Variants in ADGRL2 observed in about 807,000 individuals in gnomAD.
ADGRL2 encodes calcium-independent alpha-latrotoxin receptor 2.
ADGRL2 carries 44 observed loss-of-function variants against 157.4 expected under a neutral mutation model. The observed-to-expected ratio is 0.28, with a 90% CI of 0.22 to 0.36. ADGRL2 has a LOEUF of 0.36. Ranked by LOEUF, ADGRL2 falls within the 10% of genes least tolerant of loss-of-function variation. ADGRL2 has a pLI of 1.00. For synonymous variants in ADGRL2, 585 were observed against 624.7 expected, an observed-to-expected ratio of 0.94 and a Z score of 0.95; for missense variants, 1,510 against 1,768.9, an observed-to-expected ratio of 0.85 and a Z score of 2.63.
At chr1:81,722,037 T>C in intron 1 of ADGRL2, 1 of 425,732 alleles carries the variant, frequency 2.3e-6, no homozygotes, top group Non-Finnish European at 4.5e-6. Context: ...TCACGCCTGT[T>C]ATCGCAGCAC....
chr1:81,796,332 G>T (rs189348631), upstream of ADGRL2, among the ~76,000 whole-genome samples: 6 of 152,272 alleles, frequency 3.9e-5, no homozygotes, highest in East Asian at 7.7e-4. Flanking sequence ...AGAAAACAAG[G>T]TTATGAGTAT....
At position 81,823,373 on chromosome 1, in the gene ADGRL2, C is replaced by G. The variant is rs1051069119; in HGVS notation, c.-100-13512C>G. Among the ~76,000 whole-genome samples the G allele has an allele frequency of 1.9e-3, 238 of 123,034 alleles. 2 individuals are homozygous for G. The highest frequency in any genetic ancestry group is 6.9e-3 in the African/African-American group (231 of 33,484). 80.7% of individuals were successfully genotyped at this position (123,034 alleles called of 152,430 possible). ...CTCCTTCCCTCCTTCCTTCCCTCCC[C>G]CCTCCCTCTTTCCTTCCCTCCCCCT... On this transcript the variant is annotated intron_variant, in intron 1 of 23. Transcript: ENST00000686636.
At chr1:81,720,326 C>T (rs1027827339) in intron 1 of ADGRL2, among the ~76,000 whole-genome samples, 22 of 151,864 alleles carry the variant, frequency 1.4e-4, no homozygotes, top group Non-Finnish European at 2.2e-4. Flanking sequence ...CAGGCCACTA[C>T]GCCTGGCTAA....
chr1:81,420,270 A>T (rs1049247869), intron 1 of ADGRL2, among the ~76,000 whole-genome samples: 9 of 152,128 alleles, frequency 5.9e-5, no homozygotes, highest in Non-Finnish European at 1.0e-4. Flanking sequence ...CCTCCAAAGG[A>T]CTTCAATCTC....
intron 2 of ADGRL2, among the ~76,000 whole-genome samples, chr1:81,888,231 A>T (rs1167686661): frequency 6.6e-6 from 1 of 152,164 alleles, no homozygotes. Context: ...AAAGAGTGAA[A>T]TACAACTCTT....
chr1:81,371,781 G>A (rs1013778111), intron 1 of ADGRL2, among the ~76,000 whole-genome samples: 33 of 152,098 alleles, frequency 2.2e-4, no homozygotes, highest in African/African-American at 7.5e-4. Flanking sequence ...TTCACCCATC[G>A]ATCCATGTAA....
chr1:81,667,799 G>A (rs2082782816), intron 3 of ADGRL2, among the ~76,000 whole-genome samples: 1 of 151,972 alleles, frequency 6.6e-6, no homozygotes, highest in Non-Finnish European at 1.5e-5. Flanking sequence ...TATAATTAAT[G>A]TAAAATTATA....
intron 2 of ADGRL2, among the ~76,000 whole-genome samples, chr1:81,518,642 T>C (rs1440780816): frequency 6.6e-6 from 1 of 152,140 alleles, no homozygotes; most frequent in Admixed American, 6.5e-5. Context: ...CCACAGTGAC[T>C]ATGGGAGAGG....
Position 81,357,747 on chromosome 1 carries a change from A to G in ADGRL2, c.-302+51238A>G, listed in dbSNP as rs79799917. On this transcript the variant is annotated intron_variant, in intron 1 of 24. Transcript: ENST00000370721. ...AAGGTAGGAAGTTAATACATTGCCT[A>G]AGGTCCTACAGCCAATAACTAATAA... 1.2e-3 allele frequency among the ~76,000 whole-genome samples: 176 copies of G among 152,258 alleles called. 4 individuals are homozygous for G. In the East Asian group the frequency reaches 0.032, roughly 28 times the overall value.
At position 81,397,313 on chromosome 1, in the gene ADGRL2, C is replaced by CTTTTTTTTTTT. The variant is rs59449077; in HGVS notation, c.-301-47708_-301-47698dup. ...TCTGTGGTATTAGTTATAATGTCTCCTTTTTTTTTTTTTTTTTTTTTTTTT... is the reference window on the plus strand; with the variant it reads ...TCTGTGGTATTAGTTATAATGTCTCCTTTTTTTTTTTTTTTTTTTTTTTTTTTTTTTTTTTT... On this transcript the variant is annotated intron_variant, in intron 1 of 24. Coordinates refer to the ADGRL2 transcript ENST00000370721. 2.1e-4 allele frequency among the ~76,000 whole-genome samples: 11 copies of CTTTTTTTTTTT among 53,642 alleles called. 1 individual carries two copies. Among genetic ancestry groups the CTTTTTTTTTTT allele is most frequent in the South Asian group, 1.9e-3 (2 of 1,034 alleles). 35.2% of individuals were successfully genotyped at this position (53,642 alleles called of 152,430 possible). A position where few individuals can be genotyped will look rare whatever the true frequency, so the allele number is the denominator to read the frequency against.
At chr1:81,799,435 T>G (rs1015070676), upstream of ADGRL2, among the ~76,000 whole-genome samples, 8 of 152,216 alleles carry the variant, frequency 5.3e-5, no homozygotes, top group Admixed American at 1.3e-4. Context: ...AGAATTACAA[T>G]GAAACCACCA....
intron 2 of ADGRL2, among the ~76,000 whole-genome samples, chr1:81,840,260 A>T (rs187391145): frequency 2.6e-5 from 4 of 152,246 alleles, no homozygotes; most frequent in African/African-American, 9.6e-5. Flanking sequence ...AGGATTTTTA[A>T]GTAATGGCAA....
chr1:81,890,806 A>T (rs1292426608), intron 2 of ADGRL2, among the ~76,000 whole-genome samples: 1 of 152,090 alleles, frequency 6.6e-6, no homozygotes. Flanking sequence ...AACCAGTAAG[A>T]TTATAGAAAT....
At chr1:81,523,749 A>G (rs954171943) in intron 2 of ADGRL2, among the ~76,000 whole-genome samples, 2 of 152,192 alleles carry the variant, frequency 1.3e-5, no homozygotes, top group African/African-American at 2.4e-5. Context: ...AAATTTGGCA[A>G]TAGCAGAAAA....
At chr1:81,387,280 T>C (rs1398116596) in intron 1 of ADGRL2, among the ~76,000 whole-genome samples, 2 of 152,182 alleles carry the variant, frequency 1.3e-5, no homozygotes, top group African/African-American at 2.4e-5. Context: ...ATATTTCATT[T>C]ACCAGTATTT....
intron 1 of ADGRL2, among the ~76,000 whole-genome samples, chr1:81,823,405 G>C (rs547466182): frequency 8.9e-6 from 1 of 112,736 alleles, no homozygotes; most frequent in African/African-American, 3.5e-5. Flanking sequence ...CCCTCTTCCT[G>C]TCTCCCTCCT....
chr1:81,472,198 C>T (rs2078185180), intron 2 of ADGRL2, among the ~76,000 whole-genome samples: 1 of 152,152 alleles, frequency 6.6e-6, no homozygotes, highest in African/African-American at 2.4e-5. Context: ...GGGGATGTTA[C>T]TTTACTAGAT....
intron 3 of ADGRL2, among the ~76,000 whole-genome samples, chr1:81,926,651 AT>A (rs1308917500): frequency 6.6e-6 from 1 of 151,994 alleles, no homozygotes; most frequent in African/African-American, 2.4e-5. Context: ...CAGAAGCATT[AT>A]TTTTTTAAGT....
intron 1 of ADGRL2, among the ~76,000 whole-genome samples, chr1:81,307,642 A>T (rs1659437898): frequency 6.6e-6 from 1 of 152,176 alleles, no homozygotes; most frequent in Non-Finnish European, 1.5e-5. Context: ...CATAAGCAGT[A>T]AACAAAGTTG....
Sources: allele counts gnomAD v4.1 joint callset (sites outside exome capture counted in the v4.1 genomes callset), GRCh38; gene constraint gnomAD v4.1.1; transcripts MANE v1.5; gene names NCBI Gene and HGNC (gene_info 2026-07-23, HGNC 2026-07-21).